The following ME1 variants were observed in gnomAD, a reference collection of about 807,000 sequenced individuals.
ME1 encodes the protein malic enzyme 1, also known as NADP-dependent malic enzyme.
A neutral mutation model predicts 66.4 loss-of-function variants in ME1; 74 were observed. That is an observed-to-expected ratio of 1.11 (90% CI 0.92 to 1.35). The LOEUF is 1.35. Ranked by LOEUF, ME1 falls within the 40% of genes most tolerant of loss-of-function variation. The pLI is 0.00. For synonymous variants in ME1, 251 were observed against 235.6 expected, an observed-to-expected ratio of 1.07 and a Z score of -0.60; for missense variants, 750 against 694.1, an observed-to-expected ratio of 1.08 and a Z score of -0.90.
chr6:83,362,589 C>A (rs1402672522), intron 3 of ME1, among the ~76,000 whole-genome samples: 1 of 152,212 alleles, frequency 6.6e-6, no homozygotes, highest in Non-Finnish European at 1.5e-5. Context: ...GCCCAATTTG[C>A]CAGCAGCAGA....
At chr6:83,339,791 A>C (rs1768538785) in intron 5 of ME1, among the ~76,000 whole-genome samples, 2 of 102,444 alleles carry the variant, frequency 2.0e-5, no homozygotes, top group Non-Finnish European at 3.9e-5. Flanking sequence ...GGACACAGGA[A>C]GGGGAATATC....
At chr6:83,275,708 G>C (rs141712960) in intron 6 of ME1, among the ~76,000 whole-genome samples, 2 of 141,128 alleles carry the variant, frequency 1.4e-5, no homozygotes, top group African/African-American at 5.3e-5. Flanking sequence ...CTCGTGATCC[G>C]CCCGCCTCGG....
chr6:83,230,137 TG>T (rs1273261858), intron 9 of ME1, among the ~76,000 whole-genome samples: 13 of 140,182 alleles, frequency 9.3e-5, no homozygotes, highest in African/African-American at 2.2e-4. Context: ...TGTTTTTTTT[TG>T]TTGTTGTTGT....
chr6:83,300,975 T>A (rs1767704484), intron 6 of ME1, among the ~76,000 whole-genome samples: 1 of 151,994 alleles, frequency 6.6e-6, no homozygotes, highest in African/African-American at 2.4e-5. Flanking sequence ...GTGTTCTCAC[T>A]CATAGGTAGG....
At chr6:83,219,992 C>T (rs1477314624) in intron 12 of ME1, among the ~76,000 whole-genome samples, 1 of 152,108 alleles carries the variant, frequency 6.6e-6, no homozygotes, top group Non-Finnish European at 1.5e-5. Context: ...AGATTGTTAG[C>T]TATTTGATTT....
chr6:83,240,554 T>A (rs1243802986), intron 7 of ME1, among the ~76,000 whole-genome samples: 1 of 152,124 alleles, frequency 6.6e-6, no homozygotes, highest in African/African-American at 2.4e-5. Context: ...TCTTTATGGC[T>A]AATAAAGCAG....
At chr6:83,395,633 G>A (rs1388618490) in intron 3 of ME1, among the ~76,000 whole-genome samples, 1 of 151,172 alleles carries the variant, frequency 6.6e-6, no homozygotes, top group Non-Finnish European at 1.5e-5. Context: ...ATGCCACCAT[G>A]CCCAGCTAAT....
At chr6:83,290,944 G>A (rs1307839814) in intron 6 of ME1, among the ~76,000 whole-genome samples, 2 of 151,372 alleles carry the variant, frequency 1.3e-5, no homozygotes, top group East Asian at 3.9e-4. Flanking sequence ...TGCAACCCCT[G>A]CTTTTTTTTT....
At chr6:83,390,663 T>C (rs1286846103) in intron 3 of ME1, among the ~76,000 whole-genome samples, 1 of 152,142 alleles carries the variant, frequency 6.6e-6, no homozygotes, top group East Asian at 1.9e-4. Context: ...GAAGAGATCA[T>C]ACAGAAATGG....
At chr6:83,304,392 T>C (rs1224238121) in intron 6 of ME1, among the ~76,000 whole-genome samples, 1 of 152,188 alleles carries the variant, frequency 6.6e-6, no homozygotes, top group African/African-American at 2.4e-5. Flanking sequence ...TCTGAAGAAA[T>C]GGACTGCAAA....
At chr6:83,411,764 A>C (rs892785864) in intron 1 of ME1, among the ~76,000 whole-genome samples, 5 of 152,206 alleles carry the variant, frequency 3.3e-5, no homozygotes, top group African/African-American at 1.2e-4. Context: ...TAGATATATT[A>C]GGTTTCCAGA....
chr6:83,247,181 T>A (rs1790639950), intron 7 of ME1, among the ~76,000 whole-genome samples: 1 of 152,150 alleles, frequency 6.6e-6, no homozygotes, highest in South Asian at 2.1e-4. Flanking sequence ...TAGAGTGTCA[T>A]GTTACAGAGT....
At chr6:83,262,478 C>T (rs1323346174) in intron 6 of ME1, among the ~76,000 whole-genome samples, 2 of 152,194 alleles carry the variant, frequency 1.3e-5, no homozygotes, top group African/African-American at 4.8e-5. Context: ...CATCTCCAAC[C>T]TCAATCATGT....
chr6:83,238,587 T>C (rs1350693281), intron 8 of ME1, among the ~76,000 whole-genome samples: 1 of 152,080 alleles, frequency 6.6e-6, no homozygotes, highest in Non-Finnish European at 1.5e-5. Flanking sequence ...TTAGCCTTGA[T>C]TTTTATTTCA....
intron 3 of ME1, among the ~76,000 whole-genome samples, chr6:83,388,807 C>T (rs188008943): frequency 6.6e-6 from 1 of 152,158 alleles, no homozygotes; most frequent in African/African-American, 2.4e-5. Flanking sequence ...TTGCCAAAAT[C>T]AAATCAGTGG....
chr6:83,351,985 A>C (rs1768809371), intron 4 of ME1, 79 bp downstream of exon 4: 1 of 772,298 alleles, frequency 1.3e-6, no homozygotes, highest in South Asian at 1.8e-5. Context: ...TATCATGAGA[A>C]TTGTCAGTAT....
chr6:83,423,843 C>G (rs1770317790), intron 1 of ME1, among the ~76,000 whole-genome samples: 1 of 151,246 alleles, frequency 6.6e-6, no homozygotes, highest in Non-Finnish European at 1.5e-5. Context: ...AAGTTACAGG[C>G]CACACCTATA....
intron 3 of ME1, among the ~76,000 whole-genome samples, chr6:83,384,401 T>C (rs572654822): frequency 6.4e-4 from 98 of 151,942 alleles, no homozygotes; most frequent in Non-Finnish European, 1.2e-3. Context: ...GTGGTTTTGA[T>C]TTGCACTTCT....
chr6:83,311,380 TG>T (rs1375131397), intron 6 of ME1, among the ~76,000 whole-genome samples: 14 of 152,250 alleles, frequency 9.2e-5, no homozygotes, highest in African/African-American at 3.4e-4. Context: ...GGATTTAACA[TG>T]TGGCAAGAAT....
Sources: gnomAD v4.1 joint callset for allele counts (sites outside exome capture counted in the v4.1 genomes callset) on GRCh38, gnomAD v4.1.1 for gene constraint, MANE v1.5 for transcripts, NCBI Gene and HGNC (gene_info 2026-07-23, HGNC 2026-07-21) for gene names.